Variants in DCBLD1 observed in about 807,000 individuals in gnomAD.
The protein encoded by DCBLD1 is discoidin, CUB and LCCL domain-containing protein 1.
DCBLD1 carries 57 observed loss-of-function variants against 71.5 expected under a neutral mutation model. The ratio of observed to expected loss-of-function variants is 0.80; its 90% CI spans 0.64 to 0.99. The LOEUF (loss-of-function observed/expected upper bound fraction) is 0.99. DCBLD1 is among the 50% of genes least tolerant of loss of function. The pLI, the probability that DCBLD1 is intolerant of heterozygous loss-of-function variation, is 0.00. For synonymous variants in DCBLD1, 380 were observed against 363.8 expected, an observed-to-expected ratio of 1.04 and a Z score of -0.51; for missense variants, 891 against 923.5, an observed-to-expected ratio of 0.96 and a Z score of 0.46.
At chr6:117,510,925 C>T (rs1057324843) in intron 2 of DCBLD1, among the ~76,000 whole-genome samples, 1 of 152,176 alleles carries the variant, frequency 6.6e-6, no homozygotes. Context: ...GCGTTACTAC[C>T]TCATTTAACC....
chr6:117,529,730 A>G (rs929094388), intron 5 of DCBLD1, among the ~76,000 whole-genome samples: 1 of 152,200 alleles, frequency 6.6e-6, no homozygotes, highest in East Asian at 1.9e-4. Context: ...TCATAATAAT[A>G]TGATAGTGAG....
chr6:117,497,169 G>T, intron 1 of DCBLD1, among the ~76,000 whole-genome samples: 1 of 152,184 alleles, frequency 6.6e-6, no homozygotes, highest in African/African-American at 2.4e-5. Context: ...CTCCAGCCTG[G>T]GCGACAGAGC....
chr6:117,560,542 T>C (rs1779564630), intron 14 of DCBLD1: 2 of 194,362 alleles, frequency 1.0e-5, no homozygotes, highest in East Asian at 1.6e-4. Context: ...ACAGCATAAG[T>C]CCACTGCAGT....
intron 5 of DCBLD1, among the ~76,000 whole-genome samples, chr6:117,529,707 G>A (rs1778653346): frequency 6.6e-6 from 1 of 152,120 alleles, no homozygotes; most frequent in Non-Finnish European, 1.5e-5. Context: ...CCTGGAAAAT[G>A]CTGGTAATTT....
At chr6:117,486,932 C>T (rs1274722432) in intron 1 of DCBLD1, among the ~76,000 whole-genome samples, 1 of 152,114 alleles carries the variant, frequency 6.6e-6, no homozygotes, top group African/African-American at 2.4e-5. Context: ...CTCATTGGAG[C>T]TTGAACTCTA....
intron 5 of DCBLD1, among the ~76,000 whole-genome samples, chr6:117,525,940 CA>C (rs1402462324): frequency 6.6e-6 from 1 of 152,198 alleles, no homozygotes; most frequent in Non-Finnish European, 1.5e-5. Context: ...ATCTCAGATA[CA>C]TAATCCTCCA....
At chr6:117,513,832 A>C (rs2114465674) in intron 2 of DCBLD1, among the ~76,000 whole-genome samples, 1 of 152,248 alleles carries the variant, frequency 6.6e-6, no homozygotes, top group Non-Finnish European at 1.5e-5. Context: ...CCGCGCTCTC[A>C]TGTGGGTTTC....
Position 117,482,706 on chromosome 6 carries a change from G to A in DCBLD1, c.-76G>A. 1.8e-6 allele frequency: 2 copies of A among 1,098,260 alleles called. No individual in the cohort carries two copies. The highest frequency in any genetic ancestry group is 2.2e-6 in the Non-Finnish European group (2 of 903,328). 68.0% of individuals were successfully genotyped at this position (1,098,260 alleles called of 1,614,324 possible). ...CGCCGCGCTCGTCCGCAGAGGAGGC[G>A]GCCCGGCCCGGGCAGCTGCGGCTCG... On this transcript the variant is annotated 5_prime_UTR_variant, in exon 1 of 15. Coordinates refer to ENST00000338728, the MANE Select transcript of DCBLD1 (RefSeq NM_001366458.2).
At chr6:117,489,757 T>C (rs1021932487) in intron 1 of DCBLD1, among the ~76,000 whole-genome samples, 30 of 152,072 alleles carry the variant, frequency 2.0e-4, no homozygotes, top group Non-Finnish European at 2.4e-4. Context: ...TGGTGGCGGG[T>C]GCCTGTGGTC....
intron 2 of DCBLD1, among the ~76,000 whole-genome samples, chr6:117,515,020 G>GGTTTTTTTTTTTTTTTTTTT (rs1402023741): frequency 7.3e-6 from 1 of 136,996 alleles, no homozygotes; most frequent in Non-Finnish European, 1.6e-5. Context: ...CAGTTTGTGG[G>GGTTTTTTTTTTTTTTTTTTT]TTTTTTTTTT....
intron 1 of DCBLD1, among the ~76,000 whole-genome samples, chr6:117,488,819 CA>C (rs1444431403): frequency 4.6e-5 from 7 of 152,168 alleles, no homozygotes; most frequent in South Asian, 2.1e-4. Context: ...TTTAGGGTAT[CA>C]GGGGCCTACT....
chr6:117,549,380 AC>A lies in DCBLD1; in HGVS notation c.*942del. 3.0e-6 allele frequency: 3 copies of A among 985,432 alleles called. No homozygotes were observed. Among genetic ancestry groups the A allele is most frequent in the Non-Finnish European group, 3.6e-6 (3 of 829,928 alleles). The allele number at this position is 985,432 out of a possible 1,614,324, so 61.0% of individuals were successfully genotyped here. A position where few individuals can be genotyped will look rare whatever the true frequency, so the allele number is the denominator to read the frequency against. ...GACCAAGTCTAAATCGAGCTTTTCT[AC>A]TGACATGAAACTGTTGGAAACTGAT... On this transcript the variant is annotated 3_prime_UTR_variant, in exon 15 of 15. Transcript: ENST00000338728.
At chr6:117,503,666 A>T in intron 1 of DCBLD1, 101 bp from the exon 2 acceptor site, 1 of 1,303,200 alleles carries the variant, frequency 7.7e-7, no homozygotes, top group Non-Finnish European at 1.1e-6. Context: ...CTGCCCAAAA[A>T]CAATAAAATA....
intron 2 of DCBLD1, among the ~76,000 whole-genome samples, chr6:117,516,020 T>TA (rs1778184458): frequency 1.3e-5 from 2 of 152,088 alleles, no homozygotes; most frequent in African/African-American, 4.8e-5. Flanking sequence ...AACAAGCACT[T>TA]ATATAGCTCT....
intron 1 of DCBLD1, among the ~76,000 whole-genome samples, chr6:117,493,259 G>C (rs1425064478): frequency 6.6e-6 from 1 of 152,120 alleles, no homozygotes; most frequent in Admixed American, 6.6e-5. Context: ...TGGAAATGTA[G>C]AATTTCCAGG....
chr6:117,500,869 AAC>A (rs142873677), intron 1 of DCBLD1, among the ~76,000 whole-genome samples: 443 of 152,310 alleles, frequency 2.9e-3, no homozygotes, highest in African/African-American at 0.01. Flanking sequence ...TCTCAAAAAA[AAC>A]AGTGACACCC....
intron 1 of DCBLD1, among the ~76,000 whole-genome samples, chr6:117,489,833 G>C (rs187808179): frequency 6.7e-4 from 102 of 152,172 alleles, no homozygotes; most frequent in Admixed American, 2.0e-3. Flanking sequence ...TGCAGTGAGC[G>C]GAGATCACGC....
At chr6:117,554,624 G>A (rs931354052), downstream of DCBLD1, among the ~76,000 whole-genome samples, 1 of 152,198 alleles carries the variant, frequency 6.6e-6, no homozygotes, top group Non-Finnish European at 1.5e-5. Flanking sequence ...GCCAGGTGCA[G>A]TGGCTCATGC....
chr6:117,497,284 T>C (rs1777504014), intron 1 of DCBLD1, among the ~76,000 whole-genome samples: 1 of 152,270 alleles, frequency 6.6e-6, no homozygotes, highest in South Asian at 2.1e-4. Context: ...AAGTTTTCTT[T>C]TAAAGTCTAA....
Sources: allele counts gnomAD v4.1 joint callset (sites outside exome capture counted in the v4.1 genomes callset), GRCh38; gene constraint gnomAD v4.1.1; transcripts MANE v1.5; gene names NCBI Gene and HGNC (gene_info 2026-07-23, HGNC 2026-07-21).